Variants in CAB39L observed in about 807,000 individuals in gnomAD.
The protein encoded by CAB39L is calcium-binding protein 39-like.
CAB39L carries 23 observed loss-of-function variants against 39.1 expected under a neutral mutation model. The observed-to-expected ratio is 0.59, with a 90% CI of 0.42 to 0.83. The LOEUF is 0.83. Ranked by LOEUF, CAB39L falls within the 40% of genes least tolerant of loss-of-function variation. The probability of loss-of-function intolerance (pLI) is 0.00; values close to 1 mark genes in which losing one functional copy is unlikely to be tolerated. For synonymous variants in CAB39L, 126 were observed against 137.2 expected (o/e 0.92, Z 0.57); for missense variants, 366 against 391.9 (o/e 0.93, Z 0.56).
At chr13:49,403,789 C>A (rs1443593696) in intron 3 of CAB39L, among the ~76,000 whole-genome samples, 1 of 151,626 alleles carries the variant, frequency 6.6e-6, no homozygotes, top group African/African-American at 2.4e-5. Context: ...AACAAAAAAA[C>A]CCTATAAACT....
chr13:49,337,729 GGC>G (rs1384930361), intron 9 of CAB39L, among the ~76,000 whole-genome samples: 17 of 90,202 alleles, frequency 1.9e-4, no homozygotes, highest in African/African-American at 8.2e-4. Context: ...TAGCTGCTCT[GGC>G]GCACACACAC....
At chr13:49,374,389 G>T (rs184394983) in intron 5 of CAB39L, among the ~76,000 whole-genome samples, 1 of 151,978 alleles carries the variant, frequency 6.6e-6, no homozygotes. Flanking sequence ...GCATTTGAAG[G>T]CTTAATCTTC....
chr13:49,407,361 A>C (rs987797980), intron 3 of CAB39L, among the ~76,000 whole-genome samples: 2 of 152,202 alleles, frequency 1.3e-5, no homozygotes, highest in Non-Finnish European at 2.9e-5. Context: ...CTTTGAATCC[A>C]TCTTGGCATA....
intron 1 of CAB39L, among the ~76,000 whole-genome samples, chr13:49,439,921 G>GTTTTTTTTTTTTTTTTTTTTTTTTTTT (rs34993624): frequency 1.9e-4 from 15 of 78,540 alleles, no homozygotes; most frequent in East Asian, 4.8e-4. Context: ...TTTTTAATGG[G>GTTTTTTTTTTTTTTTTTTTTTTTTTTT]TTTTTTTTTT....
intron 3 of CAB39L, among the ~76,000 whole-genome samples, chr13:49,406,410 G>A (rs1956880034): frequency 7.0e-6 from 1 of 142,180 alleles, no homozygotes; most frequent in Non-Finnish European, 1.5e-5. Context: ...TCGATCTCCT[G>A]ACCTCTTGAT....
chr13:49,339,720 A>C lies in CAB39L; in HGVS notation c.647T>G (p.Leu216Trp). The C allele has an allele frequency of 6.3e-7, 1 of 1,580,860 alleles. No homozygotes were observed. Among genetic ancestry groups the C allele is most frequent in the Non-Finnish European group, 8.6e-7 (1 of 1,165,470 alleles). ...YDTIFEDYEK[L>W]LQSENYVTKR... is the part of the protein sequence containing the mutation. ...AGTAACATAATTCTCAGACTGAAGC[A>C]ATTTCTCATAGTCTTCAAAAATCTA... Residue 216 changes from leucine to tryptophan, a missense_variant, in exon 9 of 11, where the codon TTG becomes TGG. Leu to Trp is a moderately conservative substitution (Grantham distance 61). Transcript: ENST00000409308.
intron 7 of CAB39L, among the ~76,000 whole-genome samples, chr13:49,345,752 T>C (rs1291229157): frequency 2.0e-5 from 3 of 152,050 alleles, no homozygotes; most frequent in Non-Finnish European, 4.4e-5. Flanking sequence ...CAGCAGACAC[T>C]GTGGATTGCT....
Position 49,434,178 on chromosome 13 carries a change from A to G in CAB39L, c.-200T>C, listed in dbSNP as rs892303837. On this transcript the variant is annotated 5_prime_UTR_variant, in exon 2 of 11. Transcript: ENST00000409308. ...TTTACGTTCTGAACAGCAACTTAGA[A>G]CACTTTGCTCCTGATATTCTTTCTT... The G allele has an allele frequency of 8.8e-6, 4 of 456,426 alleles. No homozygotes were observed. The Admixed American group carries it at 9.4e-5, about 11-fold the overall frequency. The allele number at this position is 456,426 out of a possible 1,614,324, so 28.3% of individuals were successfully genotyped here.
At chr13:49,390,069 TAG>T (rs912638832) in intron 3 of CAB39L, among the ~76,000 whole-genome samples, 3 of 152,074 alleles carry the variant, frequency 2.0e-5, no homozygotes, top group African/African-American at 7.2e-5. Context: ...TAATTTTATG[TAG>T]AGACATGGTC....
chr13:49,380,961 C>G (rs747963197), intron 4 of CAB39L, among the ~76,000 whole-genome samples: 1 of 152,148 alleles, frequency 6.6e-6, no homozygotes, highest in Non-Finnish European at 1.5e-5. Flanking sequence ...GAGTTTTGCT[C>G]TTGTCACCGA....
chr13:49,325,019 A>T (rs1954456590), intron 10 of CAB39L, among the ~76,000 whole-genome samples: 1 of 152,354 alleles, frequency 6.6e-6, no homozygotes, highest in Admixed American at 6.5e-5. Context: ...CATTATAAAC[A>T]TTCAGTAGCA....
intron 1 of CAB39L, among the ~76,000 whole-genome samples, chr13:49,437,624 T>C (rs1031048622): frequency 2.0e-5 from 3 of 152,202 alleles, no homozygotes; most frequent in Non-Finnish European, 4.4e-5. Flanking sequence ...TGCTTGCCAC[T>C]TCTCCATGGA....
chr13:49,345,503 C>A (rs1348562414), intron 7 of CAB39L, among the ~76,000 whole-genome samples: 4 of 152,124 alleles, frequency 2.6e-5, no homozygotes, highest in Non-Finnish European at 5.9e-5. Flanking sequence ...AAACCATTTA[C>A]AGGGGTTCCG....
At chr13:49,331,428 T>C (rs886670261) in intron 10 of CAB39L, among the ~76,000 whole-genome samples, 1 of 152,076 alleles carries the variant, frequency 6.6e-6, no homozygotes, top group Non-Finnish European at 1.5e-5. Flanking sequence ...ATCGCACCAC[T>C]GCACTCCAGC....
rs533606484 is a variant in CAB39L, at chr13:49,359,723, A to C, written c.386T>G (p.Leu129Arg). 8 of 1,582,828 alleles carry C rather than the reference A, an allele frequency of 5.1e-6. No individual in the cohort carries two copies. The South Asian group carries it at 7.8e-5, about 15-fold the overall frequency. The change falls in exon 6 of 11, where the codon CTC becomes CGC. Residue 129 changes from leucine (L) to arginine (R), a missense_variant. Transcript: ENST00000409308. ...GAAGCCATGTACCTACCCTTTGAGG[A>C]GCATAAACAGGATATGAGGATGAGC... ...ISAHPHILFM[L>R]LKGYEAPQIA... is the part of the protein sequence containing the mutation.
At chr13:49,431,995 A>C (rs1957333170) in intron 3 of CAB39L, among the ~76,000 whole-genome samples, 2 of 152,230 alleles carry the variant, frequency 1.3e-5, no homozygotes, top group African/African-American at 4.8e-5. Flanking sequence ...ATACAGATAA[A>C]TCTCAGAATA....
intron 7 of CAB39L, among the ~76,000 whole-genome samples, chr13:49,348,377 G>C (rs1203886553): frequency 1.3e-5 from 2 of 152,142 alleles, no homozygotes; most frequent in Non-Finnish European, 2.9e-5. Context: ...AGACCAGCCT[G>C]GCCAACATGG....
chr13:49,328,399 C>T (rs1338179045), intron 10 of CAB39L, among the ~76,000 whole-genome samples: 1 of 152,178 alleles, frequency 6.6e-6, no homozygotes, highest in African/African-American at 2.4e-5. Context: ...AAACTACCAA[C>T]TTGTATCTTT....
intron 10 of CAB39L, among the ~76,000 whole-genome samples, chr13:49,329,297 T>G (rs1305377831): frequency 6.6e-6 from 1 of 152,044 alleles, no homozygotes; most frequent in Non-Finnish European, 1.5e-5. Context: ...ACACAAATTT[T>G]AGAATCAGCT....
Sources: allele counts gnomAD v4.1 joint callset (sites outside exome capture counted in the v4.1 genomes callset), GRCh38; gene constraint gnomAD v4.1.1; transcripts MANE v1.5; gene names NCBI Gene and HGNC (gene_info 2026-07-23, HGNC 2026-07-21).